The following KCNIP1 variants were observed in gnomAD, a reference collection of about 807,000 sequenced individuals.
KCNIP1 encodes the protein potassium voltage-gated channel interacting protein 1.
Under a neutral mutation model 33.0 loss-of-function variants are expected in KCNIP1, and 18 were observed. The ratio of observed to expected loss-of-function variants is 0.55; its 90% CI spans 0.38 to 0.81. The LOEUF is 0.81. KCNIP1 is among the 30% of genes least tolerant of loss of function. The pLI is 0.00. For synonymous variants in KCNIP1, 93 were observed against 98.3 expected, an observed-to-expected ratio of 0.95 and a Z score of 0.32; for missense variants, 238 against 271.6, an observed-to-expected ratio of 0.88 and a Z score of 0.87.
chr5:170,416,212 T>C (rs1249395694), intron 1 of KCNIP1, among the ~76,000 whole-genome samples: 1 of 152,134 alleles, frequency 6.6e-6, no homozygotes, highest in Non-Finnish European at 1.5e-5. Context: ...CTCCTGAGGC[T>C]GAAGCCAGAG....
chr5:170,368,813 TC>T (rs1763770060), intron 1 of KCNIP1, among the ~76,000 whole-genome samples: 1 of 152,152 alleles, frequency 6.6e-6, no homozygotes, highest in African/African-American at 2.4e-5. Context: ...CTCAGCCCAC[TC>T]CCTAGTCCTG....
rs966220074 is a variant in KCNIP1 at position 170,696,971 on chromosome 5, C to T, written c.62-21787C>T. ...CTCCAGAACTTCTGCACAGGAGGCT[C>T]CTAAAAGCTCTCCCCATCCTCCCTG... On this transcript the variant is annotated intron_variant, in intron 1 of 7. Transcript: ENST00000328939. Among the ~76,000 whole-genome samples the T allele has an allele frequency of 5.9e-5, 9 of 152,116 alleles. 1 individual carries two copies. In the South Asian group the frequency reaches 1.9e-3, roughly 32 times the overall value.
chr5:170,390,517 A>AAAAAAAAAAAAATATATATATATATAT, intron 1 of KCNIP1, among the ~76,000 whole-genome samples: 16 of 74,514 alleles, frequency 2.1e-4, no homozygotes, highest in Non-Finnish European at 3.7e-4. Flanking sequence ...AAAAAAAACA[A>AAAAAAAAAAAAATATATATATATATAT]ATATATATAT....
chr5:170,548,785 G>C (rs1756504978), intron 1 of KCNIP1, among the ~76,000 whole-genome samples: 1 of 152,202 alleles, frequency 6.6e-6, no homozygotes, highest in Admixed American at 6.5e-5. Flanking sequence ...ATATTTTGTG[G>C]TTAACATCAG....
At chr5:170,700,186 G>A (rs1763045616) in intron 1 of KCNIP1, among the ~76,000 whole-genome samples, 1 of 151,840 alleles carries the variant, frequency 6.6e-6, no homozygotes, top group South Asian at 2.1e-4. Flanking sequence ...TGCCCAGAAC[G>A]CTCTCCCTCA....
At chr5:170,637,554 C>T (rs989487294) in intron 1 of KCNIP1, among the ~76,000 whole-genome samples, 22 of 152,250 alleles carry the variant, frequency 1.4e-4, no homozygotes, top group Non-Finnish European at 2.4e-4. Context: ...TCAGATCTGA[C>T]GGCTCCATCC....
rs1273495621 is a variant in KCNIP1 at position 170,504,129 on chromosome 5, C to G, written c.-444C>G. On this transcript the variant is annotated 5_prime_UTR_variant, in exon 1 of 8. Transcript: ENST00000328939. The surrounding 1 kb of genome is among the most constrained non-coding windows in gnomAD (Gnocchi z 6.0). ...CATTCATGATTGGTACTCGGCCCTC[C>G]GAGACCCAGCCCGAGCGCAGGGAGG... is the stretch of plus-strand genomic sequence containing the variant. 1 of 992,692 alleles carries G rather than the reference C, an allele frequency of 1.0e-6. No individual in the cohort carries two copies. The highest frequency in any genetic ancestry group is 1.2e-6 in the Non-Finnish European group (1 of 835,442). 61.5% of individuals were successfully genotyped at this position (992,692 alleles called of 1,614,324 possible). A position where few individuals can be genotyped will look rare whatever the true frequency, so the allele number is the denominator to read the frequency against.
At chr5:170,528,544 C>G (rs1163652881) in intron 1 of KCNIP1, among the ~76,000 whole-genome samples, 2 of 152,178 alleles carry the variant, frequency 1.3e-5, no homozygotes, top group Non-Finnish European at 1.5e-5. Flanking sequence ...CCTGAGGGAT[C>G]AAGAAGATAC....
chr5:170,353,968 T>A, intron 1 of KCNIP1: 1 of 1,613,624 alleles, frequency 6.2e-7, no homozygotes, highest in Non-Finnish European at 8.5e-7. Context: ...AGCAAAGGTA[T>A]GGAAACTGGC....
chr5:170,447,011 C>A (rs778672027), intron 1 of KCNIP1, among the ~76,000 whole-genome samples: 12 of 152,198 alleles, frequency 7.9e-5, no homozygotes, highest in Non-Finnish European at 1.6e-4. Context: ...GATATCTCTC[C>A]CATTTGATGT....
At chr5:170,421,217 A>ACTCTT (rs564037091) in intron 1 of KCNIP1, among the ~76,000 whole-genome samples, 209 of 152,192 alleles carry the variant, frequency 1.4e-3, no homozygotes, top group African/African-American at 5.0e-3. Flanking sequence ...GCCGTGGTGC[A>ACTCTT]CTCTTGTTTC....
At chr5:170,396,455 T>C (rs553417874) in intron 1 of KCNIP1, among the ~76,000 whole-genome samples, 1 of 152,322 alleles carries the variant, frequency 6.6e-6, no homozygotes, top group South Asian at 2.1e-4. Flanking sequence ...TCTGAGAACA[T>C]GTGTCCATGG....
At chr5:170,479,008 G>A (rs1756917921) in intron 1 of KCNIP1, among the ~76,000 whole-genome samples, 1 of 152,150 alleles carries the variant, frequency 6.6e-6, no homozygotes, top group African/African-American at 2.4e-5. Flanking sequence ...CACGTTATCT[G>A]TCAAGAAGGC....
intron 1 of KCNIP1, chr5:170,383,507 G>T: frequency 2.8e-6 from 2 of 725,278 alleles, no homozygotes; most frequent in South Asian, 3.3e-5. Flanking sequence ...TTCAAACCCA[G>T]GTCTGTGTGA....
chr5:170,468,401 T>C (rs1756653677), intron 1 of KCNIP1, among the ~76,000 whole-genome samples: 1 of 152,204 alleles, frequency 6.6e-6, no homozygotes, highest in Non-Finnish European at 1.5e-5. Context: ...TTGCTAGACC[T>C]ATAAATAAAT....
chr5:170,471,718 C>G (rs1038036310), intron 1 of KCNIP1, among the ~76,000 whole-genome samples: 1 of 152,178 alleles, frequency 6.6e-6, no homozygotes, highest in Non-Finnish European at 1.5e-5. Flanking sequence ...CTGCCTCCTC[C>G]CTCTCTTCTC....
chr5:170,443,270 G>C (rs926249260), intron 1 of KCNIP1, among the ~76,000 whole-genome samples: 4 of 149,224 alleles, frequency 2.7e-5, no homozygotes, highest in Non-Finnish European at 4.4e-5. Flanking sequence ...TTTACTGAGA[G>C]AGGCAACCCT....
rs561644954 is a variant in KCNIP1, at chr5:170,559,022, A to G, written c.61+54389A>G. Among the ~76,000 whole-genome samples the G allele has an allele frequency of 6.6e-5, 10 of 152,310 alleles. No homozygotes were observed. In the East Asian group the frequency reaches 1.9e-3, roughly 29 times the overall value. ...TCTTCCAACCGAGGCAGGCATCTCA[A>G]GTATTTCTTAGTCAGTTCTACTCTA... On this transcript the variant is annotated intron_variant, in intron 1 of 7. Transcript: ENST00000328939.
chr5:170,585,675 G>A (rs1030329143), intron 1 of KCNIP1, among the ~76,000 whole-genome samples: 3 of 152,276 alleles, frequency 2.0e-5, no homozygotes, highest in South Asian at 2.1e-4. Flanking sequence ...TCTAGAACTT[G>A]GGGCTGATAA....
Sources: allele counts gnomAD v4.1 joint callset (sites outside exome capture counted in the v4.1 genomes callset), GRCh38; gene constraint gnomAD v4.1.1; non-coding constraint Gnocchi (gnomAD v3.1); transcripts MANE v1.5; gene names NCBI Gene and HGNC (gene_info 2026-07-23, HGNC 2026-07-21).